RASGEF1C: variants seen among roughly 807,000 people sequenced by gnomAD.
The protein encoded by RASGEF1C is ras-GEF domain-containing family member 1C.
RASGEF1C carries 27 observed loss-of-function variants against 58.1 expected under a neutral mutation model. That is an observed-to-expected ratio of 0.46 (90% CI 0.34 to 0.64). The LOEUF (loss-of-function observed/expected upper bound fraction) is 0.64, where lower values mean the gene tolerates loss of function less well. RASGEF1C is among the 30% of genes least tolerant of loss of function. RASGEF1C has a pLI of 0.01. For missense variants in RASGEF1C, 502 were observed against 605.1 expected, an observed-to-expected ratio of 0.83 and a Z score of 1.79; for synonymous variants, 243 against 246.3, an observed-to-expected ratio of 0.99 and a Z score of 0.13.
chr5:180,174,608 A>ACG (rs1767189376), intron 1 of RASGEF1C, among the ~76,000 whole-genome samples: 1 of 69,760 alleles, frequency 1.4e-5, no homozygotes, highest in African/African-American at 4.5e-5. Flanking sequence ...GTGTGCACGC[A>ACG]TGTGTGTGTC....
intron 1 of RASGEF1C, among the ~76,000 whole-genome samples, chr5:180,187,939 A>C (rs1756070714): frequency 6.6e-6 from 1 of 152,232 alleles, no homozygotes; most frequent in Non-Finnish European, 1.5e-5. Flanking sequence ...CAAAAAGTCA[A>C]CTATGGCATT....
intron 1 of RASGEF1C, among the ~76,000 whole-genome samples, chr5:180,165,436 G>A (rs1012729268): frequency 2.6e-5 from 4 of 152,066 alleles, no homozygotes; most frequent in African/African-American, 9.7e-5. Flanking sequence ...TTGGGAGGCT[G>A]AGGCAGGTAG....
intron 6 of RASGEF1C, 134 bp from the exon 7 acceptor site, chr5:180,121,283 T>G: frequency 1.5e-6 from 1 of 651,432 alleles, no homozygotes; most frequent in Non-Finnish European, 2.8e-6. Context: ...ATACCAAAGA[T>G]TTGGTATGTA....
At chr5:180,199,980 G>A (rs1448124872) in intron 1 of RASGEF1C, among the ~76,000 whole-genome samples, 1 of 152,118 alleles carries the variant, frequency 6.6e-6, no homozygotes, top group African/African-American at 2.4e-5. Context: ...TTAAAAATCG[G>A]GTCGGACGTG....
chr5:180,138,371 T>A, intron 1 of RASGEF1C: 1 of 261,148 alleles, frequency 3.8e-6, no homozygotes, highest in Non-Finnish European at 7.2e-6. Flanking sequence ...ACGAAGGTTG[T>A]TTTTCACAAG....
intron 3 of RASGEF1C, 182 bp from the exon 4 acceptor site, chr5:180,136,697 C>A: frequency 1.6e-6 from 1 of 627,602 alleles, no homozygotes; most frequent in Non-Finnish European, 2.7e-6. Context: ...GGGGGACGGA[C>A]ACATTTCTGG....
intron 1 of RASGEF1C, among the ~76,000 whole-genome samples, chr5:180,199,772 C>G (rs1269726953): frequency 6.9e-6 from 1 of 145,514 alleles, no homozygotes; most frequent in Non-Finnish European, 1.5e-5. Flanking sequence ...TCAAGCGATT[C>G]TCCCACCACA....
intron 1 of RASGEF1C, among the ~76,000 whole-genome samples, chr5:180,160,498 G>A (rs1262396352): frequency 6.6e-6 from 1 of 152,152 alleles, no homozygotes; most frequent in African/African-American, 2.4e-5. Flanking sequence ...ATTCCACCTG[G>A]CTCCCCAAGG....
chr5:180,137,454 A>G lies in RASGEF1C; in HGVS notation c.300+136T>C. On this transcript the variant is annotated intron_variant, in intron 3 of 13. Transcript: ENST00000361132. This position sits in a 1 kb window ranked among gnomAD's most constrained non-coding sequence, Gnocchi z 4.1. ...CTCCTTCTGGCTCTGGGCCTCAGAC[A>G]AGGTGGAAACACCCGGTAGCCACCT... The G allele has an allele frequency of 8.2e-7, 1 of 1,224,852 alleles. No individual in the cohort carries two copies. Among genetic ancestry groups the G allele is most frequent in the African/African-American group, 1.5e-5 (1 of 67,080 alleles). 75.9% of individuals were successfully genotyped at this position (1,224,852 alleles called of 1,614,324 possible).
intron 12 of RASGEF1C, among the ~76,000 whole-genome samples, chr5:180,108,422 C>T (rs547297503): frequency 1.3e-5 from 2 of 151,784 alleles, no homozygotes; most frequent in Non-Finnish European, 2.9e-5. Context: ...AGGATGGTCT[C>T]GATCTCCTGA....
intron 6 of RASGEF1C, among the ~76,000 whole-genome samples, chr5:180,124,861 G>C (rs1350924031): frequency 6.6e-6 from 1 of 151,986 alleles, no homozygotes; most frequent in Non-Finnish European, 1.5e-5. Flanking sequence ...GCCAGGTGAG[G>C]TGGCTCACAC....
At chr5:180,101,932 G>A in intron 13 of RASGEF1C, 139 bp downstream of exon 13, 2 of 661,422 alleles carry the variant, frequency 3.0e-6, no homozygotes, top group Non-Finnish European at 5.3e-6. Context: ...CCAGGAGGCT[G>A]GTGAGCCGGG....
At chr5:180,115,452 G>A (rs778077666) in intron 10 of RASGEF1C, 18 of 313,694 alleles carry the variant, frequency 5.7e-5, no homozygotes, top group South Asian at 3.8e-4. Flanking sequence ...TGCGGGCTGC[G>A]TGCAGGCCCC....
chr5:180,133,043 G>A (rs1454908154), intron 4 of RASGEF1C, among the ~76,000 whole-genome samples: 2 of 151,308 alleles, frequency 1.3e-5, no homozygotes, highest in Admixed American at 6.6e-5. Flanking sequence ...CTCTGTGGCC[G>A]GCCCAGTGGG....
rs536453076 is a variant in RASGEF1C, at chr5:180,202,943, G to A, written c.-7+6085C>T. Among the ~76,000 whole-genome samples, 5 of 152,012 alleles carry A rather than the reference G, an allele frequency of 3.3e-5. No homozygotes were observed. The South Asian group carries it at 1.0e-3, about 32-fold the overall frequency. ...GGTCTCGATCTCCTGACCTCGTGAT[G>A]CACCCGCCTCGGCCTCCCAAAGTGC... On this transcript the variant is annotated intron_variant, in intron 1 of 13. Transcript: ENST00000361132.
intron 1 of RASGEF1C, among the ~76,000 whole-genome samples, chr5:180,174,873 T>C (rs1767197544): frequency 6.6e-6 from 1 of 152,188 alleles, no homozygotes; most frequent in Non-Finnish European, 1.5e-5. Flanking sequence ...ACCTGTGCTA[T>C]GTATGTCACT....
At chr5:180,135,365 C>A (rs1054850756) in intron 4 of RASGEF1C, 4 of 152,234 alleles carry the variant, frequency 2.6e-5, no homozygotes, top group African/African-American at 9.7e-5. Flanking sequence ...GGCAGTTTTC[C>A]CTTTTCTCAC....
At position 180,177,284 on chromosome 5, in the gene RASGEF1C, C is replaced by T. The variant is rs547306054; in HGVS notation, c.-7+31744G>A. 2.0e-5 allele frequency among the ~76,000 whole-genome samples: 3 copies of T among 152,366 alleles called. No individual in the cohort carries two copies. The East Asian group carries it at 5.8e-4, about 29-fold the overall frequency. On this transcript the variant is annotated intron_variant, in intron 1 of 13. Coordinates refer to ENST00000361132, the MANE Select transcript of RASGEF1C (RefSeq NM_175062.4). The surrounding 1 kb of genome is among the most constrained non-coding windows in gnomAD (Gnocchi z 5.0). ...GGCTGCTTTCCCTTTCCGGCCCCAC[C>T]TCCCCACCCAGTGAAGGGGCTGGCC...
rs1207483087 is a variant in RASGEF1C at position 180,113,183 on chromosome 5, GGAGGGATCCAGGATGGACA to G, written c.1179+1244_1179+1262del. ...CTGGACGGAGGGACCGGGGATGGAC[GGAGGGATCCAGGATGGACA>G]GAGGGACCGGGGATGGACGGAGGGA... On this transcript the variant is annotated intron_variant, in intron 11 of 13. Transcript: ENST00000361132. Among the ~76,000 whole-genome samples the G allele has an allele frequency of 3.2e-4, 32 of 100,062 alleles. 6 individuals carry two copies. The highest frequency in any genetic ancestry group is 5.4e-4 in the South Asian group (1 of 1,862). The allele number at this position is 100,062 out of a possible 152,430, so 65.6% of individuals were successfully genotyped here.
Sources: gnomAD v4.1 joint callset for allele counts (sites outside exome capture counted in the v4.1 genomes callset) on GRCh38, gnomAD v4.1.1 for gene constraint, Gnocchi (gnomAD v3.1) non-coding constraint, MANE v1.5 for transcripts, NCBI Gene and HGNC (gene_info 2026-07-23, HGNC 2026-07-21) for gene names.